Variants in LRP1B observed in about 807,000 individuals in gnomAD.
LRP1B encodes LDL receptor related protein 1B, also known as low-density lipoprotein receptor-related protein 1B.
Under a neutral mutation model 556.6 loss-of-function variants are expected in LRP1B, and 217 were observed. The ratio of observed to expected loss-of-function variants is 0.39; its 90% CI spans 0.35 to 0.44. LRP1B has a LOEUF of 0.44. Ranked by LOEUF, LRP1B falls within the 20% of genes least tolerant of loss-of-function variation. The pLI is 1.00. For synonymous variants in LRP1B, 2,047 were observed against 1,865.8 expected, an observed-to-expected ratio of 1.10 and a Z score of -2.50; for missense variants, 5,053 against 5,620.8, an observed-to-expected ratio of 0.90 and a Z score of 3.23.
intron 1 of LRP1B, among the ~76,000 whole-genome samples, chr2:141,888,164 A>G (rs1436284148): frequency 1.3e-5 from 2 of 152,136 alleles, no homozygotes; most frequent in African/African-American, 4.8e-5. Flanking sequence ...CACCTAATTT[A>G]CTCTCATCAA....
At chr2:140,854,548 A>G (rs770426582) in intron 27 of LRP1B, among the ~76,000 whole-genome samples, 8 of 152,218 alleles carry the variant, frequency 5.3e-5, no homozygotes, top group Non-Finnish European at 1.2e-4. Context: ...ACAGCTACCT[A>G]TTCTATTCCA....
chr2:141,171,905 T>C (rs2105145353), intron 7 of LRP1B, among the ~76,000 whole-genome samples: 1 of 152,206 alleles, frequency 6.6e-6, no homozygotes, highest in East Asian at 1.9e-4. Context: ...ACATTGCTCT[T>C]CAGATTATTC....
chr2:140,724,592 G>A (rs1687523661), intron 35 of LRP1B, among the ~76,000 whole-genome samples: 1 of 151,988 alleles, frequency 6.6e-6, no homozygotes, highest in Non-Finnish European at 1.5e-5. Flanking sequence ...TCAGATTTGG[G>A]TTCTACAGGA....
At position 142,098,492 on chromosome 2, in the gene LRP1B, G is replaced by A. The variant is rs539278150; in HGVS notation, c.82+32156C>T. Among the ~76,000 whole-genome samples the A allele has an allele frequency of 7.9e-5, 12 of 151,566 alleles. No homozygotes were observed. The East Asian group carries it at 2.3e-3, about 29-fold the overall frequency. On this transcript the variant is annotated intron_variant, in intron 1 of 90. Transcript: ENST00000389484. ...GATTTTTTAAATGGCTCTTTAATTC[G>A]TTTTCGAATTAGAGAACATGTTTTA...
chr2:140,837,164 A>T (rs1267990264), intron 31 of LRP1B, among the ~76,000 whole-genome samples: 2 of 152,120 alleles, frequency 1.3e-5, no homozygotes, highest in Non-Finnish European at 2.9e-5. Context: ...TGCTTCATAA[A>T]TTTTTCTCAT....
intron 2 of LRP1B, among the ~76,000 whole-genome samples, chr2:141,644,729 TCACACACACA>T (rs3039268): frequency 1.5e-4 from 21 of 141,616 alleles, no homozygotes; most frequent in African/African-American, 3.2e-4. Flanking sequence ...CAGTCATTGA[TCACACACACA>T]CACACACACA....
In LRP1B at chr2:140,433,505, G is replaced by A. The variant is rs1271947019; in HGVS notation, c.10414+8999C>T. ...ATATGGAATTTTCATTGAGCCTGCC[G>A]CTCAGCATTTAATACGAATTGTTAG... On this transcript the variant is annotated intron_variant, in intron 66 of 90. Transcript: ENST00000389484. Among the ~76,000 whole-genome samples the A allele has an allele frequency of 7.2e-5, 11 of 152,076 alleles. No homozygotes were observed. In the East Asian group the frequency reaches 7.7e-4, roughly 11 times the overall value.
chr2:140,578,695 C>T (rs1681633494), intron 43 of LRP1B, among the ~76,000 whole-genome samples: 1 of 151,444 alleles, frequency 6.6e-6, no homozygotes. Flanking sequence ...ACATATGTAA[C>T]AAACCTGCAC....
chr2:140,469,820 T>G (rs773962569), intron 60 of LRP1B, among the ~76,000 whole-genome samples: 1 of 152,216 alleles, frequency 6.6e-6, no homozygotes, highest in East Asian at 1.9e-4. Flanking sequence ...TGGAATTAGG[T>G]AGATCTCGGT....
intron 3 of LRP1B, among the ~76,000 whole-genome samples, chr2:141,289,084 CTT>C (rs1179372142): frequency 6.6e-6 from 1 of 151,694 alleles, no homozygotes. Context: ...TTGTAGATCT[CTT>C]AAAGAATGCA....
At chr2:141,060,123 T>C (rs1699295710) in intron 8 of LRP1B, among the ~76,000 whole-genome samples, 1 of 151,862 alleles carries the variant, frequency 6.6e-6, no homozygotes, top group Non-Finnish European at 1.5e-5. Flanking sequence ...TTGCCAGTTC[T>C]ATAGTTTAAA....
intron 1 of LRP1B, among the ~76,000 whole-genome samples, chr2:141,918,273 CA>C (rs1253388410): frequency 2.6e-5 from 4 of 151,828 alleles, no homozygotes; most frequent in Non-Finnish European, 4.4e-5. Flanking sequence ...CGATACGTTA[CA>C]ATGAACATGT....
chr2:140,273,143 G>A (rs950633411), intron 85 of LRP1B, among the ~76,000 whole-genome samples: 2 of 151,768 alleles, frequency 1.3e-5, no homozygotes, highest in African/African-American at 4.8e-5. Flanking sequence ...ATGTGATCTC[G>A]GATTACCCCA....
At chr2:140,601,242 C>A (rs759741070) in intron 42 of LRP1B, among the ~76,000 whole-genome samples, 1 of 151,732 alleles carries the variant, frequency 6.6e-6, no homozygotes, top group Non-Finnish European at 1.5e-5. Context: ...TTTACTGGAT[C>A]TCTCAGGAAG....
chr2:141,712,922 C>G (rs1692420524), intron 2 of LRP1B, among the ~76,000 whole-genome samples: 1 of 149,338 alleles, frequency 6.7e-6, no homozygotes. Context: ...TCATGACCTG[C>G]CTGCCTCAGC....
rs181031582 is a variant in LRP1B at position 141,414,880 on chromosome 2, G to A, written c.343+65516C>T. Among the ~76,000 whole-genome samples the A allele has an allele frequency of 9.2e-5, 14 of 152,314 alleles. 1 individual carries two copies. Among genetic ancestry groups the A allele is most frequent in the Admixed American group, 1.3e-4 (2 of 15,298 alleles). ...ACAGAACATTTAAATCAATGTGCAT[G>A]CACATATCTGGGCCTCCCAGGAGTT... On this transcript the variant is annotated intron_variant, in intron 3 of 90. Transcript: ENST00000389484.
At chr2:141,779,742 G>A (rs2217965) in intron 2 of LRP1B, among the ~76,000 whole-genome samples, 4 of 151,716 alleles carry the variant, frequency 2.6e-5, no homozygotes, top group African/African-American at 9.7e-5. Flanking sequence ...TGTATAGATA[G>A]GAAATTGAAC....
At chr2:141,100,136 T>A (rs548239718) in intron 7 of LRP1B, among the ~76,000 whole-genome samples, 1 of 152,306 alleles carries the variant, frequency 6.6e-6, no homozygotes, top group African/African-American at 2.4e-5. Context: ...AATGACAAGA[T>A]GTGAAACCTA....
At chr2:140,576,747 C>A (rs1355231976) in intron 43 of LRP1B, among the ~76,000 whole-genome samples, 1 of 152,108 alleles carries the variant, frequency 6.6e-6, no homozygotes, top group African/African-American at 2.4e-5. Context: ...TCTACACCTG[C>A]GGGGACTAAC....
Sources: gnomAD v4.1 joint callset for allele counts (sites outside exome capture counted in the v4.1 genomes callset) on GRCh38, gnomAD v4.1.1 for gene constraint, MANE v1.5 for transcripts, NCBI Gene and HGNC (gene_info 2026-07-23, HGNC 2026-07-21) for gene names.